COL26A1: variants seen among roughly 807,000 people sequenced by gnomAD.
COL26A1 encodes the protein collagen type XXVI alpha 1 chain.
A neutral mutation model predicts 59.3 loss-of-function variants in COL26A1; 41 were observed. The ratio of observed to expected loss-of-function variants is 0.69; its 90% CI spans 0.54 to 0.90. COL26A1 has a LOEUF of 0.90. Ranked by LOEUF, COL26A1 falls within the 40% of genes least tolerant of loss-of-function variation. The probability of loss-of-function intolerance (pLI) is 0.00; values close to 1 mark genes in which losing one functional copy is unlikely to be tolerated. For synonymous variants in COL26A1, 266 were observed against 256.0 expected, an observed-to-expected ratio of 1.04 and a Z score of -0.37; for missense variants, 612 against 602.3, an observed-to-expected ratio of 1.02 and a Z score of -0.17.
rs1554421184 is a variant in COL26A1, at chr7:101,489,699, G to GTCTTTCTTTT, written c.385+41921_385+41922insTTCTTTCTTT. On this transcript the variant is annotated intron_variant, in intron 3 of 12. Transcript: ENST00000313669. Reference sequence around the variant, plus strand: ...TTCCTTCCTTTCTTTCTTTCTTTCTGTCTTTCTTTCTTTCATTCTTTCTTT... The same window carrying GTCTTTCTTTT: ...TTCCTTCCTTTCTTTCTTTCTTTCTGTCTTTCTTTTTCTTTCTTTCTTTCATTCTTTCTTT... 2.0e-3 allele frequency among the ~76,000 whole-genome samples: 96 copies of GTCTTTCTTTT among 49,152 alleles called. 25 individuals carry two copies. Among genetic ancestry groups the GTCTTTCTTTT allele is most frequent in the Middle Eastern group, 0.017 (2 of 116 alleles). 32.2% of individuals were successfully genotyped at this position (49,152 alleles called of 152,430 possible).
chr7:101,378,229 A>C (rs1791364082), intron 1 of COL26A1, among the ~76,000 whole-genome samples: 1 of 151,992 alleles, frequency 6.6e-6, no homozygotes, highest in African/African-American at 2.4e-5. Flanking sequence ...AAAATACAAA[A>C]ATTAGCTGGG....
At chr7:101,379,104 CT>C (rs1267036528) in intron 1 of COL26A1, among the ~76,000 whole-genome samples, 6 of 152,120 alleles carry the variant, frequency 3.9e-5, no homozygotes, top group African/African-American at 1.4e-4. Flanking sequence ...CATTCCTGCT[CT>C]TCTGGGAGGG....
intron 3 of COL26A1, among the ~76,000 whole-genome samples, chr7:101,469,350 A>G (rs1426403721): frequency 6.6e-6 from 1 of 152,120 alleles, no homozygotes; most frequent in Non-Finnish European, 1.5e-5. Flanking sequence ...CCACCATTCC[A>G]TTCAGACACT....
intron 10 of COL26A1, 94 bp downstream of exon 10, chr7:101,551,237 G>GGGGGGGTTGGGGGGGGGGC: frequency 7.8e-6 from 3 of 386,366 alleles, no homozygotes; most frequent in Non-Finnish European, 1.5e-5. Flanking sequence ...TGGTGGGGGG[G>GGGGGGGTTGGGGGGGGGGC]TTCAGCCCTG....
chr7:101,385,324 C>T (rs10233982), intron 1 of COL26A1, among the ~76,000 whole-genome samples: 9,126 of 143,258 alleles, frequency 0.064, 652 homozygotes, highest in African/African-American at 0.17. Context: ...TATATATACT[C>T]GACACTAAAT....
intron 3 of COL26A1, among the ~76,000 whole-genome samples, chr7:101,464,500 C>T (rs1175122878): frequency 6.6e-6 from 1 of 151,872 alleles, no homozygotes; most frequent in Non-Finnish European, 1.5e-5. Flanking sequence ...ACAACTCTGC[C>T]TCCCGGGTTC....
At chr7:101,450,773 TA>T (rs1793314467) in intron 3 of COL26A1, among the ~76,000 whole-genome samples, 4 of 143,986 alleles carry the variant, frequency 2.8e-5, no homozygotes, top group Non-Finnish European at 4.5e-5. Context: ...CCATAGTCTA[TA>T]TGAATATGAA....
intron 9 of COL26A1, 119 bp downstream of exon 9, chr7:101,549,342 C>A (rs1795812680): frequency 9.6e-6 from 6 of 626,718 alleles, no homozygotes; most frequent in South Asian, 6.3e-5. Context: ...AGGAGCCAGT[C>A]GGCCTGGCCG....
At chr7:101,451,602 A>G (rs1246791924) in intron 3 of COL26A1, among the ~76,000 whole-genome samples, 1 of 150,792 alleles carries the variant, frequency 6.6e-6, no homozygotes, top group Admixed American at 6.6e-5. Flanking sequence ...TTATATATGT[A>G]TATAAAAACG....
At chr7:101,436,869 C>A (rs931474948) in intron 2 of COL26A1, among the ~76,000 whole-genome samples, 3 of 152,116 alleles carry the variant, frequency 2.0e-5, no homozygotes, top group Non-Finnish European at 4.4e-5. Flanking sequence ...GTGTGCACAA[C>A]CATGCCTGGC....
At chr7:101,398,414 A>G (rs1791909177) in intron 1 of COL26A1, among the ~76,000 whole-genome samples, 1 of 152,164 alleles carries the variant, frequency 6.6e-6, no homozygotes, top group African/African-American at 2.4e-5. Context: ...CATAAAGGGC[A>G]GAAATACGAA....
In COL26A1 at chr7:101,364,556, C is replaced by G. The variant is rs556434036; in HGVS notation, c.158+1366C>G. On this transcript the variant is annotated intron_variant, in intron 1 of 12. Coordinates refer to ENST00000313669, the MANE Select transcript of COL26A1 (RefSeq NM_001278563.3). The stretch of plus-strand genomic sequence containing the variant: ...GGCCTAGGAGCCACTCAGGACTGAC[C>G]TCTTGTGCTTTCTTTCTTTTTTTTT... Among the ~76,000 whole-genome samples, 307 of 126,000 alleles carry G rather than the reference C, an allele frequency of 2.4e-3. 2 individuals are homozygous for G. The highest frequency in any genetic ancestry group is 4.0e-3 in the South Asian group (16 of 4,032). 82.7% of individuals were successfully genotyped at this position (126,000 alleles called of 152,430 possible).
chr7:101,437,741 ATT>A (rs1301445389), intron 2 of COL26A1, among the ~76,000 whole-genome samples: 18 of 139,260 alleles, frequency 1.3e-4, no homozygotes, highest in Middle Eastern at 3.6e-3. Flanking sequence ...CACCCCACTA[ATT>A]TTTTTTTTTT....
rs138332886 is a variant in COL26A1, at chr7:101,459,844, G to A, written c.385+12057G>A. 4.6e-3 allele frequency among the ~76,000 whole-genome samples: 705 copies of A among 152,218 alleles called. 9 individuals are homozygous for A. Among genetic ancestry groups the A allele is most frequent in the African/African-American group, 0.015 (637 of 41,546 alleles). On this transcript the variant is annotated intron_variant, in intron 3 of 12. Coordinates refer to ENST00000313669, the MANE Select transcript of COL26A1 (RefSeq NM_001278563.3). ...GCAAGGGCAGGCCTGGGACAGAGGG[G>A]CTTAGCTAGTCCATCCAAGCGTGGA...
intron 3 of COL26A1, among the ~76,000 whole-genome samples, chr7:101,518,006 G>A (rs1795067074): frequency 2.0e-5 from 3 of 150,802 alleles, no homozygotes; most frequent in African/African-American, 7.3e-5. Context: ...GAGAGACGAT[G>A]TCTTGCTAAG....
chr7:101,540,595 G>A (rs1225472604), intron 5 of COL26A1, among the ~76,000 whole-genome samples: 2 of 150,858 alleles, frequency 1.3e-5, no homozygotes, highest in African/African-American at 4.9e-5. Flanking sequence ...ACTCATGCTT[G>A]TAATCCTAGC....
intron 2 of COL26A1, among the ~76,000 whole-genome samples, chr7:101,447,385 T>C (rs1793224430): frequency 6.6e-6 from 1 of 152,236 alleles, no homozygotes; most frequent in African/African-American, 2.4e-5. Context: ...AACCATAAAC[T>C]AAATTTCTTC....
intron 1 of COL26A1, among the ~76,000 whole-genome samples, chr7:101,416,799 G>C (rs1792379079): frequency 7.0e-6 from 1 of 143,504 alleles, no homozygotes; most frequent in Non-Finnish European, 1.6e-5. Flanking sequence ...GAGTGCAGCG[G>C]TGCGATCATG....
At chr7:101,524,245 T>C (rs998394168) in intron 3 of COL26A1, among the ~76,000 whole-genome samples, 2 of 148,992 alleles carry the variant, frequency 1.3e-5, no homozygotes, top group Non-Finnish European at 3.0e-5. Context: ...CACTCCAGCC[T>C]GGGTGACAGA....
Sources: gnomAD v4.1 joint callset for allele counts (sites outside exome capture counted in the v4.1 genomes callset) on GRCh38, gnomAD v4.1.1 for gene constraint, MANE v1.5 for transcripts, NCBI Gene and HGNC (gene_info 2026-07-23, HGNC 2026-07-21) for gene names.